Variants in PTPRR observed in about 807,000 individuals in gnomAD.
PTPRR encodes receptor-type tyrosine-protein phosphatase R.
Under a neutral mutation model 77.2 loss-of-function variants are expected in PTPRR, and 38 were observed. The ratio of observed to expected loss-of-function variants is 0.49; its 90% CI spans 0.38 to 0.65. PTPRR has a LOEUF of 0.65. PTPRR is among the 30% of genes least tolerant of loss of function. The pLI is 0.00. For synonymous variants in PTPRR, 299 were observed against 283.1 expected, an observed-to-expected ratio of 1.06 and a Z score of -0.57; for missense variants, 744 against 799.2, an observed-to-expected ratio of 0.93 and a Z score of 0.83.
chr12:70,649,334 C>T (rs1351236557), intron 13 of PTPRR, among the ~76,000 whole-genome samples: 1 of 152,052 alleles, frequency 6.6e-6, no homozygotes, highest in African/African-American at 2.4e-5. Context: ...TTAGCCATAC[C>T]TGGACTCCTC....
intron 2 of PTPRR, among the ~76,000 whole-genome samples, chr12:70,806,825 C>T (rs1252426076): frequency 6.6e-6 from 1 of 152,156 alleles, no homozygotes; most frequent in African/African-American, 2.4e-5. Context: ...TGCTCTTTTC[C>T]TGTCCTACAA....
intron 1 of PTPRR, among the ~76,000 whole-genome samples, chr12:70,902,693 C>T (rs1027890869): frequency 6.6e-6 from 1 of 151,578 alleles, no homozygotes; most frequent in Non-Finnish European, 1.5e-5. Flanking sequence ...TATGAGGATG[C>T]AAAGCCATAA....
At chr12:70,781,833 T>C (rs1565694824) in intron 2 of PTPRR, among the ~76,000 whole-genome samples, 1 of 152,174 alleles carries the variant, frequency 6.6e-6, no homozygotes, top group Non-Finnish European at 1.5e-5. Flanking sequence ...AATAGTGTCT[T>C]AGATGACTTA....
intron 2 of PTPRR, among the ~76,000 whole-genome samples, chr12:70,869,993 T>C (rs1892932925): frequency 1.3e-5 from 2 of 152,198 alleles, no homozygotes; most frequent in African/African-American, 4.8e-5. Flanking sequence ...CAACCTCTTC[T>C]GGTCAGAGAG....
intron 2 of PTPRR, among the ~76,000 whole-genome samples, chr12:70,826,967 C>T (rs150003523): frequency 6.6e-6 from 1 of 152,204 alleles, no homozygotes; most frequent in Non-Finnish European, 1.5e-5. Context: ...CTCTTCCACC[C>T]TCCTAGAATG....
At chr12:70,682,066 C>G in intron 10 of PTPRR, among the ~76,000 whole-genome samples, 1 of 86,886 alleles carries the variant, frequency 1.2e-5, no homozygotes, top group East Asian at 4.6e-4. Flanking sequence ...TTTTTTGAGA[C>G]GGAGTCTCGC....
intron 2 of PTPRR, among the ~76,000 whole-genome samples, chr12:70,830,248 G>A (rs1892188492): frequency 6.6e-6 from 1 of 152,130 alleles, no homozygotes; most frequent in East Asian, 1.9e-4. Flanking sequence ...AGATTATGCT[G>A]CATTAAGAAA....
chr12:70,754,250 C>G lies in PTPRR; in HGVS notation c.679G>C (p.Gly227Arg). 6.2e-7 allele frequency: 1 copy of G among 1,613,696 alleles called. No individual in the cohort carries two copies. The highest frequency in any genetic ancestry group is 1.1e-5 in the South Asian group (1 of 91,062). The part of the protein sequence containing the change: ...HEADKIWSKE[G>R]FYAVVIFLSI... ...AGAAAAATGACAACAGCATAAAATCCTTCTTTGCTCCAGATTTTGTCCGCT... is the reference window on the plus strand; with the variant it reads ...AGAAAAATGACAACAGCATAAAATCGTTCTTTGCTCCAGATTTTGTCCGCT... Residue 227 changes from glycine (G) to arginine (R), a missense_variant, in exon 5 of 14, where the codon GGA (glycine) becomes CGA (arginine). Around this residue, in one of 3 missense-constraint regions of PTPRR, gnomAD observed 570 missense variants for 573.2 expected, o/e 0.99. Coordinates refer to ENST00000283228, the MANE Select transcript of PTPRR (RefSeq NM_002849.4).
intron 1 of PTPRR, among the ~76,000 whole-genome samples, chr12:70,910,780 C>G (rs532762205): frequency 1.3e-5 from 2 of 152,226 alleles, no homozygotes; most frequent in African/African-American, 4.8e-5. Context: ...CCCAAATGCC[C>G]AAGGGGACCA....
intron 2 of PTPRR, among the ~76,000 whole-genome samples, chr12:70,781,693 T>C (rs1891206520): frequency 6.6e-6 from 1 of 152,130 alleles, no homozygotes. Flanking sequence ...AAGAGTGAGG[T>C]ATAATGAAGA....
At chr12:70,841,189 AC>A (rs545536388) in intron 2 of PTPRR, among the ~76,000 whole-genome samples, 26 of 149,690 alleles carry the variant, frequency 1.7e-4, no homozygotes, top group Admixed American at 1.1e-3. Context: ...CTCTACCCTT[AC>A]CCCCCCAACA....
At chr12:70,917,334 G>A (rs949405820) in intron 1 of PTPRR, among the ~76,000 whole-genome samples, 9 of 152,100 alleles carry the variant, frequency 5.9e-5, no homozygotes, top group African/African-American at 2.2e-4. Flanking sequence ...TAGAACCAGT[G>A]TATAATTTTA....
At chr12:70,904,287 T>G (rs1001260219) in intron 1 of PTPRR, among the ~76,000 whole-genome samples, 1 of 151,850 alleles carries the variant, frequency 6.6e-6, no homozygotes, top group Admixed American at 6.6e-5. Context: ...CTATTCATAA[T>G]TGCCCCCAAA....
chr12:70,647,787 T>C (rs918079811), intron 13 of PTPRR, among the ~76,000 whole-genome samples: 2 of 152,244 alleles, frequency 1.3e-5, no homozygotes, highest in African/African-American at 4.8e-5. Context: ...AATTGACCTA[T>C]ACATTTACGG....
At chr12:70,649,881 T>A (rs1402423558) in intron 13 of PTPRR, among the ~76,000 whole-genome samples, 1 of 152,088 alleles carries the variant, frequency 6.6e-6, no homozygotes, top group Admixed American at 6.5e-5. Context: ...GCCCTTTTCC[T>A]CTTTTTAGGG....
chr12:70,696,486 C>T (rs1447518982), intron 8 of PTPRR, among the ~76,000 whole-genome samples: 1 of 152,094 alleles, frequency 6.6e-6, no homozygotes, highest in Non-Finnish European at 1.5e-5. Flanking sequence ...TAGGTGTTTG[C>T]TAAAAGTAGT....
intron 2 of PTPRR, among the ~76,000 whole-genome samples, chr12:70,794,978 T>C (rs1196562929): frequency 6.6e-6 from 1 of 152,052 alleles, no homozygotes; most frequent in East Asian, 1.9e-4. Flanking sequence ...GTGGGACAGT[T>C]GAGAAGGGCT....
At chr12:70,826,830 C>T (rs903456230) in intron 2 of PTPRR, among the ~76,000 whole-genome samples, 1 of 152,172 alleles carries the variant, frequency 6.6e-6, no homozygotes, top group African/African-American at 2.4e-5. Context: ...CTTGCCTCAT[C>T]CTCAAGGCTC....
intron 1 of PTPRR, among the ~76,000 whole-genome samples, chr12:70,897,803 C>T (rs1314110813): frequency 6.6e-6 from 1 of 151,950 alleles, no homozygotes; most frequent in Non-Finnish European, 1.5e-5. Flanking sequence ...GGCACATGTA[C>T]ACCATGGAAT....
Sources: gnomAD v4.1 joint callset for allele counts (sites outside exome capture counted in the v4.1 genomes callset) on GRCh38, gnomAD v4.1.1 for gene constraint, gnomAD v4.1.1 regional missense constraint, MANE v1.5 for transcripts, NCBI Gene and HGNC (gene_info 2026-07-23, HGNC 2026-07-21) for gene names.